FANCD2: variants seen among roughly 807,000 people sequenced by gnomAD.
FANCD2 encodes the protein FA complementation group D2.
In FANCD2, 131 loss-of-function variants were observed where a neutral mutation model predicts 192.3. The observed-to-expected ratio is 0.68, with a 90% confidence interval of 0.59 to 0.79. FANCD2 has a LOEUF of 0.79. Ranked by LOEUF, FANCD2 falls within the 30% of genes least tolerant of loss-of-function variation. The pLI is 0.00. For synonymous variants in FANCD2, 524 were observed against 612.5 expected (o/e 0.86, Z 2.13); for missense variants, 1,508 against 1,701.6 (o/e 0.89, Z 2.00).
Position 10,046,679 on chromosome 3 carries a change from A to G in FANCD2, c.1234A>G (p.Ile412Val), listed in dbSNP as rs776482951. 1.1e-5 allele frequency: 17 copies of G among 1,614,216 alleles called. No individual in the cohort carries two copies. The South Asian group carries it at 1.6e-4, about 16-fold the overall frequency. Residue 412 changes from isoleucine to valine, a missense_variant, in exon 15 of 44, where the codon ATT (isoleucine) becomes GTT (valine). Transcript: ENST00000675286. ...VLRNKIRSGC[I>V]QEQLLQSTFS... is the part of the protein sequence containing the mutation. ...AAGAAATAAGATTCGATCAGGCTGC[A>G]TTCAAGAACAGCTGCTCCAGAGTAC...
At chr3:10,097,474 AT>A (rs1453747841) in intron 42 of FANCD2, among the ~76,000 whole-genome samples, 1 of 152,202 alleles carries the variant, frequency 6.6e-6, no homozygotes, top group African/African-American at 2.4e-5. Context: ...GAGAAAAAGA[AT>A]TCAGTGATAT....
At position 10,043,602 on chromosome 3, in the gene FANCD2, T is replaced by C; in HGVS notation, c.1098+10T>C. 1 of 1,585,522 alleles carries C rather than the reference T, an allele frequency of 6.3e-7. No individual in the cohort carries two copies. The highest frequency in any genetic ancestry group is 8.7e-7 in the Non-Finnish European group (1 of 1,154,016). On this transcript the variant is annotated intron_variant, in intron 13 of 43. Transcript: ENST00000675286. ...AGAAGCCTGGATTAAGGTGAGATCT[T>C]TGGAACTTTGATTATCAAGGAGGAA... is the stretch of plus-strand genomic sequence containing the variant.
intron 21 of FANCD2, 101 bp downstream of exon 21, chr3:10,064,012 A>G: frequency 6.5e-7 from 1 of 1,545,258 alleles, no homozygotes; most frequent in South Asian, 1.2e-5. Flanking sequence ...TCATCCTGTG[A>G]CCTCTCCTAA....
chr3:10,085,583 G>A (rs1575836299), intron 32 of FANCD2, among the ~76,000 whole-genome samples: 2 of 151,810 alleles, frequency 1.3e-5, no homozygotes, highest in South Asian at 4.2e-4. Context: ...GTAGAGACGG[G>A]ATTTCACCGT....
chr3:10,034,745 C>T lies in FANCD2; in HGVS notation c.324C>T (p.Asp108=). Residue 108 remains aspartate, a synonymous_variant, in exon 5 of 44, where the codon GAC becomes GAT. Coordinates refer to ENST00000675286, the MANE Select transcript of FANCD2 (RefSeq NM_001018115.3). ...TGGAGTCTTACATTGAGGATGAAGA[C>T]AGTTTCAGGAACTGCCTTTTGTCTT... ...SGLESYIEDE[D]SFRNCLLSCE... 3 of 1,572,700 alleles carry T rather than the reference C, an allele frequency of 1.9e-6. No homozygotes were observed. Among genetic ancestry groups the T allele is most frequent in the South Asian group, 1.2e-5 (1 of 85,918 alleles).
At position 10,096,399 on chromosome 3, in the gene FANCD2, T is replaced by C; in HGVS notation, c.4112T>C (p.Val1371Ala). The C allele has an allele frequency of 6.2e-7, 1 of 1,614,000 alleles. No individual in the cohort carries two copies. The highest frequency in any genetic ancestry group is 2.2e-5 in the East Asian group (1 of 44,876). ...ACCCTGGAACTTTTAGTTTGCAGAG[T>C]CAAAGCTATGCTCACTCTCAACAAT... ...KKTLELLVCR[V>A]KAMLTLNNCR... The change falls in exon 42 of 44, where the codon GTC becomes GCC. Residue 1371 changes from valine to alanine, a missense_variant. Physicochemically the swap from Val to Ala is moderately conservative, Grantham distance 64. This residue lies in a region of FANCD2 where 796 missense variants were observed against 879.4 expected (regional missense o/e 0.91). Coordinates refer to ENST00000675286, the MANE Select transcript of FANCD2 (RefSeq NM_001018115.3).
At chr3:10,054,378 C>CGTATATAT (rs1289499171) in intron 18 of FANCD2, among the ~76,000 whole-genome samples, 9 of 94,698 alleles carry the variant, frequency 9.5e-5, no homozygotes, top group South Asian at 3.3e-4. Context: ...CGTGTATATA[C>CGTATATAT]ATATATATAT....
intron 18 of FANCD2, among the ~76,000 whole-genome samples, chr3:10,055,903 G>A (rs1253438912): frequency 6.6e-6 from 1 of 152,038 alleles, no homozygotes; most frequent in Non-Finnish European, 1.5e-5. Flanking sequence ...TGTTGAGATG[G>A]AGTCTCACTC....
At chr3:10,059,295 T>C (rs1257651086) in intron 18 of FANCD2, among the ~76,000 whole-genome samples, 1 of 152,192 alleles carries the variant, frequency 6.6e-6, no homozygotes, top group Non-Finnish European at 1.5e-5. Flanking sequence ...ATGACAGGTA[T>C]GAGCTACTTC....
chr3:10,066,091 T>G, intron 25 of FANCD2, 112 bp downstream of exon 25: 1 of 715,870 alleles, frequency 1.4e-6, no homozygotes, highest in Non-Finnish European at 2.5e-6. Context: ...AACCCCCGTG[T>G]GCTTCTCTAG....
At position 10,081,177 on chromosome 3, in the gene FANCD2, A is replaced by G; in HGVS notation, c.3054A>G (p.Gln1018=). The change falls in exon 31 of 44, where the codon CAA becomes CAG. Residue 1018 remains glutamine, a synonymous_variant. Transcript: ENST00000675286. ...SAQEIVHCVF[Q]LLTPMCNHLE... ...AAGAAATTGTTCATTGTGTTTTTCA[A>G]CTGCTGACCCCAATGTGTAACCACC... 6.2e-7 allele frequency: 1 copy of G among 1,614,198 alleles called. No individual in the cohort carries two copies. The highest frequency in any genetic ancestry group is 1.3e-5 in the African/African-American group (1 of 75,056).
intron 26 of FANCD2, among the ~76,000 whole-genome samples, chr3:10,072,626 G>C (rs940177165): frequency 2.6e-5 from 4 of 151,912 alleles, no homozygotes; most frequent in African/African-American, 9.7e-5. Flanking sequence ...CTGTTTGTTA[G>C]TTATATATCA....
chr3:10,062,335 G>T, intron 20 of FANCD2, 124 bp downstream of exon 20: 1 of 731,604 alleles, frequency 1.4e-6, no homozygotes, highest in Non-Finnish European at 2.3e-6. Context: ...CCACCTCTCA[G>T]GTTCAAGTGA....
In FANCD2 at chr3:10,081,185, C is replaced by A; in HGVS notation, c.3062C>A (p.Thr1021Asn). 1 of 1,614,132 alleles carries A rather than the reference C, an allele frequency of 6.2e-7. No individual in the cohort carries two copies. The highest frequency in any genetic ancestry group is 8.5e-7 in the Non-Finnish European group (1 of 1,180,026). The change falls in exon 31 of 44, where the codon ACC becomes AAC. Residue 1021 changes from threonine to asparagine, a missense_variant. Transcript: ENST00000675286. ...GTTCATTGTGTTTTTCAACTGCTGA[C>A]CCCAATGTGTAACCACCTGGAGAAC... ...EIVHCVFQLL[T>N]PMCNHLENIH...
chr3:10,041,562 A>G, intron 9 of FANCD2, 61 bp from the exon 10 acceptor site: 2 of 1,140,160 alleles, frequency 1.8e-6, no homozygotes, highest in Non-Finnish European at 2.7e-6. Flanking sequence ...TTCTCAAGTC[A>G]TTGTCTGCCC....
chr3:10,035,153 G>A lies in FANCD2; in HGVS notation c.378-20G>A. The A allele has an allele frequency of 6.3e-7, 1 of 1,593,144 alleles. No homozygotes were observed. Among genetic ancestry groups the A allele is most frequent in the Non-Finnish European group, 8.5e-7 (1 of 1,170,340 alleles). ...AACAAGGAAAGCAAAGTGGAAAACA[G>A]ATTTCTTTTTTTTTTACAGTATGGG... On this transcript the variant is annotated intron_variant, in intron 5 of 43. Coordinates refer to ENST00000675286, the MANE Select transcript of FANCD2 (RefSeq NM_001018115.3).
intron 26 of FANCD2, among the ~76,000 whole-genome samples, chr3:10,070,230 C>T (rs142354986): frequency 0.039 from 5,576 of 143,140 alleles, 345 homozygotes; most frequent in African/African-American, 0.14. Flanking sequence ...GCCCGGCAGC[C>T]GCCCCATCTG....
At chr3:10,081,606 TTGTC>T (rs1459072154) in intron 32 of FANCD2, 142 bp downstream of exon 32, 7 of 765,256 alleles carry the variant, frequency 9.1e-6, no homozygotes, top group African/African-American at 5.1e-5. Flanking sequence ...GGGAGTGTTT[TTGTC>T]TGTATTATTT....
intron 1 of FANCD2, among the ~76,000 whole-genome samples, chr3:10,027,213 C>G (rs1029376724): frequency 6.6e-6 from 1 of 152,194 alleles, no homozygotes; most frequent in African/African-American, 2.4e-5. Flanking sequence ...GACTGGGTTC[C>G]TGCTCTCAAA....
Sources: gnomAD v4.1 joint callset for allele counts (sites outside exome capture counted in the v4.1 genomes callset) on GRCh38, gnomAD v4.1.1 for gene constraint, gnomAD v4.1.1 regional missense constraint, MANE v1.5 for transcripts, NCBI Gene and HGNC (gene_info 2026-07-23, HGNC 2026-07-21) for gene names.